HNF4G: variants seen among roughly 807,000 people sequenced by gnomAD.
HNF4G encodes the protein hepatocyte nuclear factor 4 gamma.
In HNF4G, 21 loss-of-function variants were observed where a neutral mutation model predicts 50.9. The observed-to-expected ratio is 0.41, with a 90% CI of 0.29 to 0.59. The LOEUF (loss-of-function observed/expected upper bound fraction) is 0.59, where lower values mean the gene tolerates loss of function less well. Ranked by LOEUF, HNF4G falls within the 20% of genes least tolerant of loss-of-function variation. HNF4G has a pLI of 0.26. For missense variants in HNF4G, 527 were observed against 559.4 expected, an observed-to-expected ratio of 0.94 and a Z score of 0.58; for synonymous variants, 198 against 185.6, an observed-to-expected ratio of 1.07 and a Z score of -0.54.
At chr8:75,455,567 A>T (rs1445648676) in intron 1 of HNF4G, among the ~76,000 whole-genome samples, 1 of 152,194 alleles carries the variant, frequency 6.6e-6, no homozygotes, top group Non-Finnish European at 1.5e-5. Flanking sequence ...GAATAATTCA[A>T]CTTAAAGCAA....
intron 5 of HNF4G, 26 bp downstream of exon 5, chr8:75,553,223 C>A: frequency 6.4e-7 from 1 of 1,572,724 alleles, no homozygotes; most frequent in South Asian, 1.1e-5. Flanking sequence ...TTTATAAATG[C>A]TTTAAAAATG....
At chr8:75,410,315 C>G (rs1387089095) in intron 1 of HNF4G, among the ~76,000 whole-genome samples, 1 of 152,232 alleles carries the variant, frequency 6.6e-6, no homozygotes, top group African/African-American at 2.4e-5. Flanking sequence ...TGCTTGCCAA[C>G]ACTATATAAT....
Position 75,509,055 on chromosome 8 carries a change from T to G in HNF4G, c.-24+18847T>G, listed in dbSNP as rs75240446. On this transcript the variant is annotated intron_variant, in intron 2 of 10. Transcript: ENST00000354370. ...CAGAAATGTGTCCGAAGAGGGTGAGTTTAAGGTATCAAGGAGGATGACATA... is the reference window on the plus strand; with the variant it reads ...CAGAAATGTGTCCGAAGAGGGTGAGGTTAAGGTATCAAGGAGGATGACATA... Among the ~76,000 whole-genome samples, 57 of 151,478 alleles carry G rather than the reference T, an allele frequency of 3.8e-4. 1 individual carries two copies. The highest frequency in any genetic ancestry group is 3.0e-3 in the Admixed American group (46 of 15,194).
chr8:75,487,419 C>T (rs1812524005), intron 1 of HNF4G, among the ~76,000 whole-genome samples: 1 of 152,144 alleles, frequency 6.6e-6, no homozygotes, highest in Non-Finnish European at 1.5e-5. Context: ...TAATGGCTTC[C>T]AATCATTCAT....
At chr8:75,482,703 G>C (rs143163365) in intron 1 of HNF4G, among the ~76,000 whole-genome samples, 4 of 152,146 alleles carry the variant, frequency 2.6e-5, no homozygotes, top group African/African-American at 9.6e-5. Context: ...ATACTTTCCT[G>C]ATCGCCTTTT....
chr8:75,422,265 T>G (rs946240136), intron 1 of HNF4G, among the ~76,000 whole-genome samples: 12 of 152,170 alleles, frequency 7.9e-5, no homozygotes, highest in Non-Finnish European at 2.9e-5. Context: ...AAGCTAGTAT[T>G]TTCCCCACAG....
chr8:75,549,599 GT>G (rs1352117008), intron 3 of HNF4G, among the ~76,000 whole-genome samples: 19 of 138,956 alleles, frequency 1.4e-4, no homozygotes, highest in African/African-American at 4.6e-4. Flanking sequence ...CTGGGTAGTT[GT>G]TTTTTTTTAA....
Position 75,492,162 on chromosome 8 carries a change from G to A in HNF4G, c.-24+1954G>A, listed in dbSNP as rs1256872675. Among the ~76,000 whole-genome samples the A allele has an allele frequency of 2.0e-5, 3 of 152,128 alleles. No homozygotes were observed. In the East Asian group the frequency reaches 5.8e-4, roughly 29 times the overall value. On this transcript the variant is annotated intron_variant, in intron 2 of 10. Transcript: ENST00000354370. ...ACTCAATTCCTGGCTTGAAATGCTT[G>A]TTTCTTTACATTATTCCAATGTTTC...
intron 2 of HNF4G, among the ~76,000 whole-genome samples, chr8:75,519,674 G>C (rs1805988279): frequency 6.6e-6 from 1 of 152,160 alleles, no homozygotes; most frequent in Non-Finnish European, 1.5e-5. Context: ...TCCCTGTCAT[G>C]ACACATGGGA....
At chr8:75,477,803 A>G (rs943821951) in intron 1 of HNF4G, among the ~76,000 whole-genome samples, 1 of 152,034 alleles carries the variant, frequency 6.6e-6, no homozygotes, top group Non-Finnish European at 1.5e-5. Context: ...CCCCGTCTCT[A>G]CTAAAAATAC....
At chr8:75,485,273 A>G (rs1307927643) in intron 1 of HNF4G, among the ~76,000 whole-genome samples, 1 of 152,212 alleles carries the variant, frequency 6.6e-6, no homozygotes, top group Non-Finnish European at 1.5e-5. Context: ...CCATTAAAGC[A>G]TGTTGGAGCT....
At chr8:75,526,254 G>A (rs529923382) in intron 2 of HNF4G, among the ~76,000 whole-genome samples, 68 of 151,468 alleles carry the variant, frequency 4.5e-4, no homozygotes, top group African/African-American at 1.5e-3. Context: ...TCAACCTCCC[G>A]AGTAGCTGTG....
rs759179626 is a variant in HNF4G, at chr8:75,547,698, T to C, written c.382+17T>C. On this transcript the variant is annotated intron_variant, in intron 3 of 9. Coordinates refer to ENST00000396423, the MANE Select transcript of HNF4G (RefSeq NM_004133.5). ...AAAAAGAAGGTAATAATAATGATGA[T>C]GATAATTAACATTATTGATGAAAAG... is the stretch of plus-strand genomic sequence containing the variant. 1 of 1,383,358 alleles carries C rather than the reference T, an allele frequency of 7.2e-7. No homozygotes were observed. Among genetic ancestry groups the C allele is most frequent in the South Asian group, 1.2e-5 (1 of 86,462 alleles). The allele number at this position is 1,383,358 out of a possible 1,614,324, so 85.7% of individuals were successfully genotyped here. A position where few individuals can be genotyped will look rare whatever the true frequency, so the allele number is the denominator to read the frequency against.
chr8:75,554,069 G>A (rs71529222), intron 5 of HNF4G, among the ~76,000 whole-genome samples: 1 of 151,916 alleles, frequency 6.6e-6, no homozygotes, highest in African/African-American at 2.4e-5. Context: ...TTTTAAGAGA[G>A]CGTTTCACCT....
intron 4 of HNF4G, among the ~76,000 whole-genome samples, chr8:75,552,520 G>A (rs1202982809): frequency 6.6e-6 from 1 of 151,808 alleles, no homozygotes; most frequent in Non-Finnish European, 1.5e-5. Flanking sequence ...GTCACACATT[G>A]GTTTTTTAAT....
chr8:75,555,278 TTACG>T (rs1807080718), intron 5 of HNF4G, among the ~76,000 whole-genome samples: 1 of 152,160 alleles, frequency 6.6e-6, no homozygotes, highest in South Asian at 2.1e-4. Flanking sequence ...GCACTTTGGA[TTACG>T]GTGTCATTTA....
chr8:75,430,481 A>G (rs956845289), intron 1 of HNF4G, among the ~76,000 whole-genome samples: 7 of 144,776 alleles, frequency 4.8e-5, no homozygotes, highest in African/African-American at 1.9e-4. Context: ...GAGTAGAGAG[A>G]GAGAGAGAGA....
At chr8:75,559,589 T>A (rs545985036) in intron 8 of HNF4G, among the ~76,000 whole-genome samples, 119 of 152,232 alleles carry the variant, frequency 7.8e-4, no homozygotes, top group Admixed American at 7.3e-3. Context: ...CCCATTCTTA[T>A]TAGCCTCCAC....
chr8:75,419,505 T>C (rs1810729945), intron 1 of HNF4G, among the ~76,000 whole-genome samples: 1 of 152,218 alleles, frequency 6.6e-6, no homozygotes, highest in Non-Finnish European at 1.5e-5. Flanking sequence ...AGGGACACTA[T>C]CTATGGTGGC....
Sources: gnomAD v4.1 joint callset for allele counts (sites outside exome capture counted in the v4.1 genomes callset) on GRCh38, gnomAD v4.1.1 for gene constraint, MANE v1.5 for transcripts, NCBI Gene and HGNC (gene_info 2026-07-23, HGNC 2026-07-21) for gene names.